USH2A: variants seen among roughly 807,000 people sequenced by gnomAD.
The protein encoded by USH2A is usherin.
In USH2A, 443 loss-of-function variants were observed where a neutral mutation model predicts 538.9. The observed-to-expected ratio is 0.82, with a 90% CI of 0.76 to 0.89. USH2A has a LOEUF of 0.89. Ranked by LOEUF, USH2A falls within the 40% of genes least tolerant of loss-of-function variation. The pLI, the probability that USH2A is intolerant of heterozygous loss-of-function variation, is 0.00. For missense variants in USH2A, 6,633 were observed against 6,324.8 expected, an observed-to-expected ratio of 1.05 and a Z score of -1.65; for synonymous variants, 2,413 against 2,273.5, an observed-to-expected ratio of 1.06 and a Z score of -1.75.
At chr1:215,846,197 G>A (rs578012802) in intron 44 of USH2A, among the ~76,000 whole-genome samples, 164 bp from the exon 45 acceptor site, 1 of 152,186 alleles carries the variant, frequency 6.6e-6, no homozygotes, top group African/African-American at 2.4e-5. Flanking sequence ...GGTGGTGCTG[G>A]TGGTGATAGT....
intron 37 of USH2A, among the ~76,000 whole-genome samples, chr1:215,955,734 G>A (rs1667048230): frequency 6.6e-6 from 1 of 151,948 alleles, no homozygotes; most frequent in Non-Finnish European, 1.5e-5. Flanking sequence ...TAATAATTGA[G>A]TAAAGTAACA....
intron 40 of USH2A, among the ~76,000 whole-genome samples, chr1:215,894,559 T>A (rs1665279002): frequency 6.6e-6 from 1 of 152,112 alleles, no homozygotes; most frequent in Admixed American, 6.6e-5. Context: ...GTTTTAGAAT[T>A]CTTTCTACAC....
chr1:216,179,661 C>T (rs1411910366), intron 20 of USH2A, among the ~76,000 whole-genome samples: 1 of 151,940 alleles, frequency 6.6e-6, no homozygotes, highest in East Asian at 1.9e-4. Context: ...GTGAAATTGT[C>T]AATCAATTAA....
chr1:216,159,745 C>T (rs147117275), intron 21 of USH2A, among the ~76,000 whole-genome samples: 9 of 152,134 alleles, frequency 5.9e-5, no homozygotes, highest in Non-Finnish European at 1.2e-4. Context: ...ATTATTTCTA[C>T]TGTAATTGTT....
chr1:215,902,488 C>A (rs566167148), intron 38 of USH2A, among the ~76,000 whole-genome samples: 47 of 152,254 alleles, frequency 3.1e-4, no homozygotes, highest in African/African-American at 1.1e-3. Context: ...AAAATAGACA[C>A]CACTCCTGCC....
chr1:216,250,780 T>G (rs1173380534), intron 12 of USH2A, 123 bp downstream of exon 12: 2 of 990,918 alleles, frequency 2.0e-6, no homozygotes, highest in East Asian at 2.6e-5. Context: ...ATCCAAATTG[T>G]TTTTTTTTCC....
chr1:216,142,213 C>T (rs1202231830), intron 21 of USH2A, among the ~76,000 whole-genome samples: 1 of 152,142 alleles, frequency 6.6e-6, no homozygotes, highest in Non-Finnish European at 1.5e-5. Flanking sequence ...AATGTGTCTC[C>T]ACCTCTAGGT....
At chr1:215,920,814 C>T (rs1666080139) in intron 38 of USH2A, among the ~76,000 whole-genome samples, 1 of 152,056 alleles carries the variant, frequency 6.6e-6, no homozygotes, top group African/African-American at 2.4e-5. Context: ...TTCCTGTGAT[C>T]ATGCCCTCAA....
intron 37 of USH2A, among the ~76,000 whole-genome samples, chr1:215,941,065 C>T (rs1485380564): frequency 2.6e-5 from 4 of 152,056 alleles, no homozygotes; most frequent in African/African-American, 9.7e-5. Context: ...TTTTCCCCAT[C>T]AAGCTCTCTC....
intron 30 of USH2A, among the ~76,000 whole-genome samples, chr1:216,067,749 T>C (rs2031427356): frequency 6.6e-6 from 1 of 151,966 alleles, no homozygotes; most frequent in South Asian, 2.1e-4. Context: ...AGTTGAGGTT[T>C]GGTATGGGTA....
intron 31 of USH2A, 152 bp downstream of exon 31, chr1:216,048,382 C>G (rs994957778): frequency 1.0e-5 from 8 of 769,174 alleles, no homozygotes; most frequent in Non-Finnish European, 1.8e-5. Flanking sequence ...TCGCACCCCC[C>G]CAAAAAATGG....
intron 55 of USH2A, among the ~76,000 whole-genome samples, chr1:215,779,209 G>A (rs1274430563): frequency 6.6e-6 from 1 of 152,146 alleles, no homozygotes; most frequent in Non-Finnish European, 1.5e-5. Context: ...GTCAGAAAAT[G>A]CTTCTCCTCC....
In USH2A at chr1:215,640,791, T is replaced by C. The variant is rs184774667; in HGVS notation, c.14792-57A>G. On this transcript the variant is annotated intron_variant, in intron 67 of 71. Coordinates refer to ENST00000307340, the MANE Select transcript of USH2A (RefSeq NM_206933.4). ...GGTAACCTCTTTGAAGGAGTGCAGG[T>C]GTGCACTTTAAAAAAAAAAAATATG... 7,387 of 1,555,052 alleles carry C rather than the reference T, an allele frequency of 4.8e-3. 23 individuals are homozygous for C. Among genetic ancestry groups the C allele is most frequent in the Non-Finnish European group, 5.5e-3 (6,212 of 1,138,900 alleles).
intron 21 of USH2A, among the ~76,000 whole-genome samples, chr1:216,111,598 C>T (rs993513606): frequency 4.0e-5 from 6 of 151,804 alleles, no homozygotes; most frequent in African/African-American, 9.7e-5. Flanking sequence ...CTTTAAAAAA[C>T]GCTTTATTAA....
intron 3 of USH2A, among the ~76,000 whole-genome samples, chr1:216,413,201 T>TAC (rs968041134): frequency 4.6e-5 from 7 of 151,360 alleles, no homozygotes; most frequent in East Asian, 1.9e-4. Context: ...TACACACACA[T>TAC]ACACACACAC....
intron 30 of USH2A, among the ~76,000 whole-genome samples, chr1:216,054,033 G>T (rs2030887898): frequency 6.6e-6 from 1 of 152,182 alleles, no homozygotes; most frequent in African/African-American, 2.4e-5. Context: ...TTGCAACTTA[G>T]AAGTCCTTCA....
Position 215,965,482 on chromosome 1 carries a change from G to T in USH2A, c.6958-3C>A, listed in dbSNP as rs776340575. The T allele has an allele frequency of 1.9e-6, 3 of 1,613,444 alleles. No homozygotes were observed. Among genetic ancestry groups the T allele is most frequent in the Non-Finnish European group, 2.5e-6 (3 of 1,179,616 alleles). On this transcript the variant is annotated splice_polypyrimidine_tract_variant and splice_region_variant and intron_variant, in intron 36 of 71. Coordinates refer to ENST00000307340, the MANE Select transcript of USH2A (RefSeq NM_206933.4). ...GCTTCTAGAGTTCGATTTTCCACCTGTGAGTATAAAAAGATTTATTTTTGT... is the reference window on the plus strand; with the variant it reads ...GCTTCTAGAGTTCGATTTTCCACCTTTGAGTATAAAAAGATTTATTTTTGT...
chr1:216,088,905 T>C, intron 23 of USH2A, 108 bp downstream of exon 23: 1 of 1,522,916 alleles, frequency 6.6e-7, no homozygotes, highest in Non-Finnish European at 9.0e-7. Context: ...ATATATGGAA[T>C]TGAGTAGAAA....
chr1:215,743,374 A>ATC, intron 58 of USH2A, 39 bp from the exon 59 acceptor site: 1 of 424,332 alleles, frequency 2.4e-6, no homozygotes, highest in Non-Finnish European at 3.7e-6. Context: ...TTAAAAACAT[A>ATC]TATATATATA....
Sources: allele counts gnomAD v4.1 joint callset (sites outside exome capture counted in the v4.1 genomes callset), GRCh38; gene constraint gnomAD v4.1.1; transcripts MANE v1.5; gene names NCBI Gene and HGNC (gene_info 2026-07-23, HGNC 2026-07-21).